Variants in IRS1 observed in about 807,000 individuals in gnomAD.
IRS1 encodes insulin receptor substrate 1.
IRS1 carries 34 observed loss-of-function variants against 65.6 expected under a neutral mutation model. The ratio of observed to expected loss-of-function variants is 0.52; its 90% CI spans 0.39 to 0.69. The LOEUF is 0.69. IRS1 is among the 30% of genes least tolerant of loss of function. IRS1 has a pLI of 0.00. For missense variants in IRS1, 1,641 were observed against 1,720.2 expected (o/e 0.95, Z 0.81); for synonymous variants, 699 against 683.5 (o/e 1.02, Z -0.35).
intron 1 of IRS1, among the ~76,000 whole-genome samples, chr2:226,771,090 G>A (rs369717341): frequency 1.2e-4 from 19 of 152,208 alleles, no homozygotes; most frequent in South Asian, 8.3e-4. Context: ...TGTCAGTGAC[G>A]GAAGAACGTT....
chr2:226,798,553 G>C lies in IRS1; in HGVS notation c.186C>G (p.Arg62=). The change falls in exon 1 of 2, where the codon CGC becomes CGG. Residue 62 remains arginine, a synonymous_variant. Transcript: ENST00000305123. This position sits in a 1 kb window ranked among gnomAD's most constrained non-coding sequence, Gnocchi z 9.4. ...TGAAGCAGCTCTCAAGGGGGATCGA[G>C]CGTTTGGGGGCGCTCGACTTGTGCC... ...KWRHKSSAPK[R]SIPLESCFNI... The C allele has an allele frequency of 6.2e-7, 1 of 1,614,000 alleles. No homozygotes were observed. The highest frequency in any genetic ancestry group is 1.6e-4 in the Middle Eastern group (1 of 6,062).
At chr2:226,757,079 A>G (rs1938819676) in intron 1 of IRS1, among the ~76,000 whole-genome samples, 1 of 152,198 alleles carries the variant, frequency 6.6e-6, no homozygotes, top group Non-Finnish European at 1.5e-5. Context: ...CTTGCTTCCA[A>G]TGACAAAGTG....
At chr2:226,783,760 AG>A (rs1364569716) in intron 1 of IRS1, among the ~76,000 whole-genome samples, 1 of 152,202 alleles carries the variant, frequency 6.6e-6, no homozygotes, top group Non-Finnish European at 1.5e-5. Flanking sequence ...ATTTTCTAAT[AG>A]TATCTCTATT....
At chr2:226,736,528 T>C (rs945433722) in intron 1 of IRS1, among the ~76,000 whole-genome samples, 3 of 152,144 alleles carry the variant, frequency 2.0e-5, no homozygotes, top group Admixed American at 6.5e-5. Context: ...AAAGGAAAAA[T>C]AGAAAATTCT....
Position 226,739,596 on chromosome 2 carries a change from C to T in IRS1, c.*22-3346G>A, listed in dbSNP as rs1029730785. Among the ~76,000 whole-genome samples the T allele has an allele frequency of 3.7e-4, 56 of 152,154 alleles. 1 individual carries two copies. The highest frequency in any genetic ancestry group is 8.8e-5 in the Non-Finnish European group (6 of 68,034). Reference sequence around the variant, plus strand: ...GTTCCCAGCGAGGTATTATCTAAAGCCAAAGAGTTCCGAAACCGAAGTTCC... The same window carrying T: ...GTTCCCAGCGAGGTATTATCTAAAGTCAAAGAGTTCCGAAACCGAAGTTCC... On this transcript the variant is annotated intron_variant, in intron 1 of 1. Transcript: ENST00000305123.
chr2:226,783,738 C>CA (rs74912940), intron 1 of IRS1, among the ~76,000 whole-genome samples: 16,054 of 152,056 alleles, frequency 0.11, 1,066 homozygotes, highest in South Asian at 0.25. Context: ...CACAGTAAGT[C>CA]AAAAAATACA....
At position 226,796,169 on chromosome 2, in the gene IRS1, C is replaced by G; in HGVS notation, c.2570G>C (p.Arg857Pro). The G allele has an allele frequency of 1.9e-6, 3 of 1,613,684 alleles. No homozygotes were observed. Among genetic ancestry groups the G allele is most frequent in the Non-Finnish European group, 2.5e-6 (3 of 1,180,002 alleles). ...TAAQTNSRLA[R>P]PTRLSLGDPK... The stretch of plus-strand genomic sequence containing the variant: ...ATCCCCCAGGGACAGCCTCGTGGGC[C>G]GGGCCAGGCGGCTATTGGTCTGAGC... The change falls in exon 1 of 2, where the codon CGG becomes CCG. Residue 857 changes from arginine to proline, a missense_variant. Physicochemically the swap from Arg to Pro is moderately radical, Grantham distance 103. Transcript: ENST00000305123.
In IRS1 at chr2:226,798,328, G is replaced by A. The variant is rs748060885; in HGVS notation, c.411C>T (p.Ser137=). Residue 137 remains serine (S), a synonymous_variant, in exon 1 of 2, where the codon AGC becomes AGT. Coordinates refer to ENST00000305123, the MANE Select transcript of IRS1 (RefSeq NM_005544.3). This position sits in a 1 kb window ranked among gnomAD's most constrained non-coding sequence, Gnocchi z 9.4. ...CAGCCTCACCAAGGCCGGAGCTGCC[G>A]CTGCAGCTGCCCCCACCACCTCCCG... ...LGAGGGGGSC[S]GSSGLGEAGE... is the part of the protein sequence containing the mutation. 12 of 1,613,288 alleles carry A rather than the reference G, an allele frequency of 7.4e-6. No homozygotes were observed. The highest frequency in any genetic ancestry group is 1.6e-4 in the Middle Eastern group (1 of 6,062).
intron 1 of IRS1, among the ~76,000 whole-genome samples, chr2:226,761,968 T>C (rs901003466): frequency 6.6e-6 from 1 of 152,202 alleles, no homozygotes; most frequent in African/African-American, 2.4e-5. Flanking sequence ...ATGGGTGCCC[T>C]GCATTCCGCT....
At chr2:226,737,995 A>T (rs1938363338) in intron 1 of IRS1, among the ~76,000 whole-genome samples, 2 of 152,214 alleles carry the variant, frequency 1.3e-5, no homozygotes, top group Admixed American at 1.3e-4. Flanking sequence ...ATGTGGCTTC[A>T]CTGGACCCCA....
chr2:226,786,162 G>A (rs1295192690), intron 1 of IRS1, among the ~76,000 whole-genome samples: 1 of 149,418 alleles, frequency 6.7e-6, no homozygotes, highest in Non-Finnish European at 1.5e-5. Context: ...ATTTGGGTTG[G>A]TTCCAAGTCT....
At position 226,731,323 on chromosome 2, in the gene IRS1, C is replaced by T. The variant is rs1025853709; in HGVS notation, c.*4949G>A. On this transcript the variant is annotated 3_prime_UTR_variant, in exon 2 of 2. Transcript: ENST00000305123. ...CTGCTCTTACCCAATCAAATGTCTC[C>T]GCAAAATTTAATTGGCAGTTTGTTT... is the stretch of plus-strand genomic sequence containing the variant. 5.9e-5 allele frequency: 9 copies of T among 152,096 alleles called. No individual in the cohort carries two copies. Among genetic ancestry groups the T allele is most frequent in the Admixed American group, 3.9e-4 (6 of 15,256 alleles). 9.4% of individuals were successfully genotyped at this position (152,096 alleles called of 1,614,324 possible).
At chr2:226,766,121 T>TATATATATATA (rs1553531211) in intron 1 of IRS1, among the ~76,000 whole-genome samples, 9 of 14,244 alleles carry the variant, frequency 6.3e-4, no homozygotes, top group Admixed American at 1.2e-3. Flanking sequence ...TCTCTTAATC[T>TATATATATATA]TATATATATA....
chr2:226,767,318 C>A (rs904014235), intron 1 of IRS1, among the ~76,000 whole-genome samples: 1 of 152,116 alleles, frequency 6.6e-6, no homozygotes, highest in Non-Finnish European at 1.5e-5. Context: ...CTGAAATAAG[C>A]GCAAGCCATA....
At chr2:226,746,077 A>C (rs1286336961) in intron 1 of IRS1, among the ~76,000 whole-genome samples, 4 of 152,178 alleles carry the variant, frequency 2.6e-5, no homozygotes, top group Non-Finnish European at 5.9e-5. Flanking sequence ...GGAAGATCTC[A>C]AATGAATGCT....
intron 1 of IRS1, among the ~76,000 whole-genome samples, chr2:226,736,818 T>C (rs1193344668): frequency 6.6e-6 from 1 of 152,192 alleles, no homozygotes; most frequent in African/African-American, 2.4e-5. Flanking sequence ...AGATTCAGAT[T>C]TACGTCTAAT....
chr2:226,740,244 G>T (rs1166893016), intron 1 of IRS1, among the ~76,000 whole-genome samples: 1 of 152,160 alleles, frequency 6.6e-6, no homozygotes, highest in African/African-American at 2.4e-5. Flanking sequence ...ATTACATTTT[G>T]ACAAAATTTC....
intron 1 of IRS1, among the ~76,000 whole-genome samples, chr2:226,737,910 G>T (rs1938360676): frequency 6.6e-6 from 1 of 152,142 alleles, no homozygotes; most frequent in Non-Finnish European, 1.5e-5. Context: ...AAAAGGAAAA[G>T]GACGCTTCCC....
intron 1 of IRS1, among the ~76,000 whole-genome samples, chr2:226,773,968 T>C (rs897748303): frequency 1.3e-5 from 2 of 152,120 alleles, no homozygotes; most frequent in Non-Finnish European, 2.9e-5. Flanking sequence ...CACATAAAGG[T>C]GATAGACAGT....
Sources: allele counts gnomAD v4.1 joint callset (sites outside exome capture counted in the v4.1 genomes callset), GRCh38; gene constraint gnomAD v4.1.1; non-coding constraint Gnocchi (gnomAD v3.1); transcripts MANE v1.5; gene names NCBI Gene and HGNC (gene_info 2026-07-23, HGNC 2026-07-21).